GLYR1: variants seen among roughly 807,000 people sequenced by gnomAD.
The protein encoded by GLYR1 is glyoxylate reductase 1 homolog, also known as cytokine-like nuclear factor N-PAC.
GLYR1 carries 21 observed loss-of-function variants against 72.7 expected under a neutral mutation model. The observed-to-expected ratio is 0.29, with a 90% CI of 0.20 to 0.42. The LOEUF (loss-of-function observed/expected upper bound fraction) is 0.42, where lower values mean the gene tolerates loss of function less well. GLYR1 is among the 10% of genes least tolerant of loss of function. GLYR1 has a pLI of 1.00. For synonymous variants in GLYR1, 392 were observed against 270.2 expected, an observed-to-expected ratio of 1.45 and a Z score of -4.42; for missense variants, 594 against 712.1, an observed-to-expected ratio of 0.83 and a Z score of 1.89.
chr16:4,809,459 A>C (rs1298089707), intron 15 of GLYR1, among the ~76,000 whole-genome samples: 1 of 151,512 alleles, frequency 6.6e-6, no homozygotes, highest in Non-Finnish European at 1.5e-5. Flanking sequence ...AAAAATACAA[A>C]AAATTAGCCA....
intron 5 of GLYR1, 49 bp downstream of exon 5, chr16:4,831,930 G>A (rs1596374879): frequency 1.3e-6 from 2 of 1,590,578 alleles, no homozygotes; most frequent in East Asian, 4.5e-5. Flanking sequence ...ACTCTACCTT[G>A]TACTAAAAGG....
chr16:4,819,916 T>C (rs2083904244), intron 9 of GLYR1, among the ~76,000 whole-genome samples: 1 of 152,210 alleles, frequency 6.6e-6, no homozygotes, highest in Admixed American at 6.5e-5. Flanking sequence ...GGTAGTACAA[T>C]ATTCCCCCAT....
At chr16:4,847,204 G>A in intron 1 of GLYR1, 24 bp downstream of exon 1, 2 of 1,595,848 alleles carry the variant, frequency 1.3e-6, no homozygotes, top group East Asian at 2.3e-5. Flanking sequence ...GCGCGTCTCG[G>A]TTGGCCCGGC....
At chr16:4,828,824 G>A (rs2084598971) in intron 5 of GLYR1, among the ~76,000 whole-genome samples, 1 of 152,054 alleles carries the variant, frequency 6.6e-6, no homozygotes, top group Non-Finnish European at 1.5e-5. Flanking sequence ...CTATATACGT[G>A]ATTCAAACTC....
intron 5 of GLYR1, among the ~76,000 whole-genome samples, chr16:4,830,975 C>A (rs1470755413): frequency 6.6e-6 from 1 of 152,168 alleles, no homozygotes; most frequent in Non-Finnish European, 1.5e-5. Context: ...GTCCTGAGGT[C>A]ACACCAAGCT....
rs184964501 is a variant in GLYR1, at chr16:4,830,856, T to G, written c.537+1123A>C. Among the ~76,000 whole-genome samples, 496 of 152,304 alleles carry G rather than the reference T, an allele frequency of 3.3e-3. 1 individual carries two copies. Among genetic ancestry groups the G allele is most frequent in the Admixed American group, 8.3e-3 (127 of 15,290 alleles). ...CCCAAGCACGGCATTCTTGTGGCAA[T>G]GCAGGCCTCCGCGCTTCCCTCTTCT... is the stretch of plus-strand genomic sequence containing the variant. On this transcript the variant is annotated intron_variant, in intron 5 of 15. Coordinates refer to ENST00000321919, the MANE Select transcript of GLYR1 (RefSeq NM_032569.4).
chr16:4,831,282 T>G (rs556353080), intron 5 of GLYR1, among the ~76,000 whole-genome samples: 1 of 152,284 alleles, frequency 6.6e-6, no homozygotes, highest in Admixed American at 6.5e-5. Context: ...CTCTGAGACT[T>G]TCCCCTCTGC....
At chr16:4,811,993 G>A (rs2083346146) in intron 13 of GLYR1, 93 bp downstream of exon 13, 1 of 1,500,434 alleles carries the variant, frequency 6.7e-7, no homozygotes, top group Non-Finnish European at 8.9e-7. Flanking sequence ...AGGGTCCCCG[G>A]CAGAAAGGCC....
At position 4,821,552 on chromosome 16, in the gene GLYR1, C is replaced by T; in HGVS notation, c.727G>A (p.Glu243Lys). ...QAITKKLKICEEETGSTSIQA... is the reference protein window; with the variant it reads ...QAITKKLKICKEETGSTSIQA... ...GAGGCATGGAGCCTACATACCTCTTCACATATTTTCAACTTCTTCGTGATT... is the reference window on the plus strand; with the variant it reads ...GAGGCATGGAGCCTACATACCTCTTTACATATTTTCAACTTCTTCGTGATT... Residue 243 changes from glutamate (E) to lysine (K), a missense_variant, in exon 8 of 16, where the codon GAA becomes AAA. By Grantham distance (56) the Glu-to-Lys change is moderately conservative (BLOSUM62 1). Transcript: ENST00000321919. The T allele has an allele frequency of 6.2e-7, 1 of 1,614,094 alleles. No individual in the cohort carries two copies. The highest frequency in any genetic ancestry group is 8.5e-7 in the Non-Finnish European group (1 of 1,180,020).
intron 7 of GLYR1, among the ~76,000 whole-genome samples, chr16:4,822,076 A>G (rs2084067309): frequency 7.9e-6 from 1 of 126,452 alleles, no homozygotes; most frequent in East Asian, 2.0e-4. Flanking sequence ...TCTCAACTAC[A>G]CAGCTGGCTG....
chr16:4,821,307 C>A (rs951208803), intron 9 of GLYR1, 73 bp downstream of exon 9: 4 of 1,492,424 alleles, frequency 2.7e-6, no homozygotes, highest in Admixed American at 1.7e-5. Context: ...CTTAAAGAAC[C>A]CCCCTGGGGT....
intron 12 of GLYR1, 68 bp downstream of exon 12, chr16:4,813,669 C>G (rs2141960478): frequency 7.2e-7 from 1 of 1,382,050 alleles, no homozygotes; most frequent in Non-Finnish European, 1.0e-6. Flanking sequence ...ACTGCCCACT[C>G]TTGTAAGCCT....
chr16:4,811,588 AC>A (rs1440316373), intron 14 of GLYR1, 34 bp downstream of exon 14: 14 of 1,610,948 alleles, frequency 8.7e-6, no homozygotes, highest in African/African-American at 1.3e-5. Flanking sequence ...CTAATCAAAC[AC>A]CAAATGCAAG....
intron 5 of GLYR1, among the ~76,000 whole-genome samples, chr16:4,830,842 C>T (rs1472030048): frequency 6.6e-6 from 1 of 152,216 alleles, no homozygotes; most frequent in Non-Finnish European, 1.5e-5. Context: ...CCAAGCACGG[C>T]ATTCTTGTGG....
At chr16:4,830,412 C>T (rs2084717864) in intron 5 of GLYR1, among the ~76,000 whole-genome samples, 1 of 152,066 alleles carries the variant, frequency 6.6e-6, no homozygotes, top group East Asian at 1.9e-4. Context: ...CTGGCTAGAA[C>T]CCTGTGGACA....
intron 7 of GLYR1, 87 bp from the exon 8 acceptor site, chr16:4,821,684 G>A (rs915315008): frequency 4.0e-6 from 5 of 1,264,892 alleles, no homozygotes; most frequent in South Asian, 3.6e-5. Flanking sequence ...TAGACCCAAA[G>A]TGGGAAGTTA....
rs751867933 is a variant in GLYR1 at position 4,812,077 on chromosome 16, G to A, written c.1282+9C>T. ...CAGGCTCCAGGCCTGACAGGTGCAG[G>A]CGTGTTACCTAGGAAGAAGGAGGTC... On this transcript the variant is annotated intron_variant, in intron 13 of 15. Transcript: ENST00000321919. 3 of 1,611,932 alleles carry A rather than the reference G, an allele frequency of 1.9e-6. No individual in the cohort carries two copies. Among genetic ancestry groups the A allele is most frequent in the Admixed American group, 3.3e-5 (2 of 59,784 alleles).
chr16:4,804,131 T>C lies in GLYR1; in HGVS notation c.*1105A>G, dbSNP rs1482694659. 6.6e-6 allele frequency: 1 copy of C among 152,212 alleles called. No homozygotes were observed. Among genetic ancestry groups the C allele is most frequent in the Non-Finnish European group, 1.5e-5 (1 of 68,068 alleles). 9.4% of individuals were successfully genotyped at this position (152,212 alleles called of 1,614,324 possible). On this transcript the variant is annotated 3_prime_UTR_variant, in exon 16 of 16. Transcript: ENST00000321919. ...AAGAGCTGAGCCTAAGAAATGCTCA[T>C]CGTTGGTCAGGCTGGGTCTGGGCCA...
At chr16:4,810,196 G>C (rs1044907363) in intron 15 of GLYR1, among the ~76,000 whole-genome samples, 1 of 151,624 alleles carries the variant, frequency 6.6e-6, no homozygotes, top group Admixed American at 6.6e-5. Context: ...ACTTTAAAGG[G>C]TTTGAAAAAG....
Sources: allele counts gnomAD v4.1 joint callset (sites outside exome capture counted in the v4.1 genomes callset), GRCh38; gene constraint gnomAD v4.1.1; transcripts MANE v1.5; gene names NCBI Gene and HGNC (gene_info 2026-07-23, HGNC 2026-07-21).